The following PLPPR1 variants were observed in gnomAD, a reference collection of about 807,000 sequenced individuals.
PLPPR1 encodes phospholipid phosphatase related 1.
PLPPR1 carries 10 observed loss-of-function variants against 33.1 expected under a neutral mutation model. That is an observed-to-expected ratio of 0.30 (90% confidence interval 0.19 to 0.51). The LOEUF (loss-of-function observed/expected upper bound fraction) is 0.51. Among genes scored for constraint, PLPPR1 ranks in the 20% least tolerant of loss-of-function variants. The pLI is 0.97. For synonymous variants in PLPPR1, 151 were observed against 151.0 expected (o/e 1.00, Z 0.00); for missense variants, 304 against 408.1 (o/e 0.74, Z 2.20).
intron 1 of PLPPR1, among the ~76,000 whole-genome samples, chr9:101,173,168 C>T (rs1825969567): frequency 6.6e-6 from 1 of 151,990 alleles, no homozygotes; most frequent in African/African-American, 2.4e-5. Flanking sequence ...CTTTTAAAAT[C>T]CTTTTCCTGA....
At chr9:101,097,171 G>C (rs1830829471) in intron 1 of PLPPR1, among the ~76,000 whole-genome samples, 1 of 152,148 alleles carries the variant, frequency 6.6e-6, no homozygotes, top group African/African-American at 2.4e-5. Context: ...ACAGATTGCT[G>C]GGACCTCACC....
intron 1 of PLPPR1, among the ~76,000 whole-genome samples, chr9:101,153,835 G>T (rs573837948): frequency 6.6e-6 from 1 of 151,478 alleles, no homozygotes; most frequent in South Asian, 2.1e-4. Flanking sequence ...CGCCCACCTC[G>T]GCCTCCCAAA....
intron 2 of PLPPR1, among the ~76,000 whole-genome samples, chr9:101,246,385 T>C (rs1289008226): frequency 2.6e-5 from 4 of 151,992 alleles, no homozygotes; most frequent in Non-Finnish European, 5.9e-5. Context: ...TGGCTGACTT[T>C]TCACCAATGC....
chr9:101,278,443 G>A (rs1033134222), intron 3 of PLPPR1, among the ~76,000 whole-genome samples: 2 of 152,116 alleles, frequency 1.3e-5, no homozygotes, highest in Non-Finnish European at 2.9e-5. Context: ...TAAACCAGGC[G>A]AGAGATCAGA....
intron 1 of PLPPR1, among the ~76,000 whole-genome samples, chr9:101,068,830 CTAGTGAGTG>C (rs1830450027): frequency 6.6e-6 from 1 of 152,068 alleles, no homozygotes; most frequent in Non-Finnish European, 1.5e-5. Context: ...AACGTTACTT[CTAGTGAGTG>C]TAGTATATCA....
At chr9:101,255,250 TG>T (rs1827778421) in intron 2 of PLPPR1, among the ~76,000 whole-genome samples, 1 of 152,128 alleles carries the variant, frequency 6.6e-6, no homozygotes. Flanking sequence ...TCAATTTCCA[TG>T]GTATAAATAC....
intron 1 of PLPPR1, among the ~76,000 whole-genome samples, chr9:101,165,099 A>G (rs1449223216): frequency 1.3e-5 from 2 of 152,210 alleles, no homozygotes; most frequent in African/African-American, 2.4e-5. Flanking sequence ...AGCATTATGT[A>G]AGTCAGAGAT....
intron 2 of PLPPR1, among the ~76,000 whole-genome samples, chr9:101,236,857 C>T (rs893396110): frequency 4.0e-5 from 6 of 151,608 alleles, no homozygotes; most frequent in African/African-American, 1.2e-4. Flanking sequence ...AATTAAACTA[C>T]AAGCCTTCTG....
At chr9:101,176,154 C>A (rs944901520) in intron 1 of PLPPR1, among the ~76,000 whole-genome samples, 1 of 152,182 alleles carries the variant, frequency 6.6e-6, no homozygotes, top group Non-Finnish European at 1.5e-5. Context: ...ACAAGCCAGA[C>A]AACTTTTAGA....
At chr9:101,234,013 A>G (rs1408162849) in intron 2 of PLPPR1, among the ~76,000 whole-genome samples, 4 of 151,916 alleles carry the variant, frequency 2.6e-5, no homozygotes, top group African/African-American at 9.7e-5. Flanking sequence ...GGTTCAGAGT[A>G]CTACCCAAGA....
chr9:101,112,407 T>G (rs1482608609), intron 1 of PLPPR1, among the ~76,000 whole-genome samples: 1 of 152,262 alleles, frequency 6.6e-6, no homozygotes, highest in Non-Finnish European at 1.5e-5. Flanking sequence ...GTTCATATTC[T>G]GAGAGGATAC....
intron 1 of PLPPR1, among the ~76,000 whole-genome samples, chr9:101,054,952 C>A (rs1304238595): frequency 1.3e-5 from 2 of 152,114 alleles, no homozygotes; most frequent in African/African-American, 4.8e-5. Flanking sequence ...AGGAGGGGAG[C>A]TAAGCACTTT....
chr9:101,267,549 G>A (rs931191128), intron 2 of PLPPR1, among the ~76,000 whole-genome samples: 2 of 152,144 alleles, frequency 1.3e-5, no homozygotes, highest in African/African-American at 4.8e-5. Context: ...AGCAGAAAAC[G>A]CTAGATACTA....
Position 101,098,316 on chromosome 9 carries a change from A to G in PLPPR1, c.-46+69214A>G, listed in dbSNP as rs193188975. Among the ~76,000 whole-genome samples, 342 of 146,442 alleles carry G rather than the reference A, an allele frequency of 2.3e-3. 3 individuals carry two copies. The highest frequency in any genetic ancestry group is 8.6e-3 in the African/African-American group (323 of 37,420). ...GGGTCATGAGTATCAGGTAGAACGA[A>G]TAAATGAGATGGGGGAGGAAGGCAG... On this transcript the variant is annotated intron_variant, in intron 1 of 7. Transcript: ENST00000374874.
chr9:101,282,491 A>C (rs548112044), intron 3 of PLPPR1, among the ~76,000 whole-genome samples: 30 of 152,330 alleles, frequency 2.0e-4, no homozygotes, highest in African/African-American at 5.8e-4. Context: ...TTTTTTCTCT[A>C]AGATGTGGAA....
intron 1 of PLPPR1, among the ~76,000 whole-genome samples, chr9:101,042,884 A>G (rs990834336): frequency 6.6e-6 from 1 of 152,098 alleles, no homozygotes; most frequent in Admixed American, 6.5e-5. Flanking sequence ...ACTTTTCCCT[A>G]ATCTTCTGCC....
intron 1 of PLPPR1, among the ~76,000 whole-genome samples, chr9:101,040,928 A>T (rs970791123): frequency 1.3e-5 from 2 of 152,206 alleles, no homozygotes; most frequent in African/African-American, 4.8e-5. Context: ...AAGAAAAAAA[A>T]ATATCGTCTT....
At chr9:101,171,921 G>A (rs1825948108) in intron 1 of PLPPR1, among the ~76,000 whole-genome samples, 1 of 152,024 alleles carries the variant, frequency 6.6e-6, no homozygotes, top group Non-Finnish European at 1.5e-5. Flanking sequence ...CTCCCTTTTG[G>A]GATCATGGCT....
chr9:101,078,247 A>C (rs1830574516), intron 1 of PLPPR1, among the ~76,000 whole-genome samples: 1 of 127,580 alleles, frequency 7.8e-6, no homozygotes, highest in Non-Finnish European at 1.6e-5. Flanking sequence ...GGCTCCAGGT[A>C]GGGTCAGAGA....
Sources: gnomAD v4.1 joint callset for allele counts (sites outside exome capture counted in the v4.1 genomes callset) on GRCh38, gnomAD v4.1.1 for gene constraint, MANE v1.5 for transcripts, NCBI Gene and HGNC (gene_info 2026-07-23, HGNC 2026-07-21) for gene names.